Variants in DCAF8L2 observed in about 807,000 individuals in gnomAD.
DCAF8L2 encodes the protein DDB1 and CUL4 associated factor 8 like 2, also known as DDB1- and CUL4-associated factor 8-like protein 2.
For missense variants in DCAF8L2, 430 were observed against 490.7 expected, an observed-to-expected ratio of 0.88 and a Z score of 1.17; for synonymous variants, 200 against 190.9, an observed-to-expected ratio of 1.05 and a Z score of -0.39.
chrX:27,495,710 T>C, the DCAF8L2 span, among the ~76,000 whole-genome samples: 7 of 112,027 alleles, frequency 6.2e-5, no homozygotes, highest in South Asian at 3.7e-4. Flanking sequence ...TTTTTTTGTA[T>C]GTATTATTAG....
the DCAF8L2 span, among the ~76,000 whole-genome samples, chrX:27,539,920 A>G: frequency 9.0e-6 from 1 of 110,806 alleles, no homozygotes; most frequent in Non-Finnish European, 1.9e-5. Flanking sequence ...TTAGGCTATC[A>G]GAAATGTTAA....
chrX:27,563,542 C>G, the DCAF8L2 span, among the ~76,000 whole-genome samples: 1 of 112,080 alleles, frequency 8.9e-6, no homozygotes, highest in African/African-American at 3.2e-5. Context: ...CCAAATATGT[C>G]AAATGCACTG....
At chrX:27,576,869 C>CGTT in the DCAF8L2 span, among the ~76,000 whole-genome samples, 1 of 111,815 alleles carries the variant, frequency 8.9e-6, no homozygotes, top group Admixed American at 9.5e-5. Flanking sequence ...TGAACTCAAA[C>CGTT]TATCTATTAT....
the DCAF8L2 span, among the ~76,000 whole-genome samples, chrX:27,549,207 GAAAT>G: frequency 1.8e-5 from 2 of 111,523 alleles, no homozygotes; most frequent in Non-Finnish European, 3.8e-5. Context: ...TTTTAATTAT[GAAAT>G]AAATCACTCT....
chrX:27,542,942 C>A, the DCAF8L2 span, among the ~76,000 whole-genome samples: 20 of 111,620 alleles, frequency 1.8e-4, no homozygotes, highest in Admixed American at 1.9e-3. Context: ...TGTCTTCTGT[C>A]TACTCTGCTG....
At chrX:27,599,155 G>A (rs912372273) in intron 1 of DCAF8L2, among the ~76,000 whole-genome samples, 2 of 110,377 alleles carry the variant, frequency 1.8e-5, no homozygotes, top group African/African-American at 6.6e-5. Flanking sequence ...AAAAAATGTG[G>A]TATATATACA....
At chrX:27,491,214 C>G in the DCAF8L2 span, among the ~76,000 whole-genome samples, 1 of 112,240 alleles carries the variant, frequency 8.9e-6, no homozygotes, top group East Asian at 2.8e-4. Flanking sequence ...AAATCATTTA[C>G]TCGGTGATTT....
chrX:27,587,462 T>C (rs1177024243), upstream of DCAF8L2, among the ~76,000 whole-genome samples: 1 of 111,926 alleles, frequency 8.9e-6, no homozygotes, highest in East Asian at 2.8e-4. Context: ...TTAAATATTT[T>C]GTATCTCTTG....
the DCAF8L2 span, among the ~76,000 whole-genome samples, chrX:27,471,500 A>G: frequency 9.0e-6 from 1 of 111,017 alleles, no homozygotes; most frequent in Non-Finnish European, 1.9e-5. Flanking sequence ...TCCTTCGTGC[A>G]TATCTTTTTC....
the DCAF8L2 span, among the ~76,000 whole-genome samples, chrX:27,532,317 G>A: frequency 9.0e-6 from 1 of 111,659 alleles, no homozygotes; most frequent in South Asian, 3.7e-4. Flanking sequence ...TAAATGCTCA[G>A]AGAATTGAAA....
At chrX:27,559,055 C>T in the DCAF8L2 span, among the ~76,000 whole-genome samples, 6 of 110,666 alleles carry the variant, frequency 5.4e-5, no homozygotes, top group African/African-American at 9.9e-5. Context: ...CCATGTAGGA[C>T]GTGCCAGATT....
the DCAF8L2 span, among the ~76,000 whole-genome samples, chrX:27,512,342 ATAT>A: frequency 9.0e-6 from 1 of 110,926 alleles, no homozygotes; most frequent in African/African-American, 3.3e-5. Context: ...GGAAGAATTA[ATAT>A]TATTAACATG....
At chrX:27,700,030 A>G (rs1383523473) in intron 3 of DCAF8L2, among the ~76,000 whole-genome samples, 1 of 110,435 alleles carries the variant, frequency 9.1e-6, no homozygotes, top group Non-Finnish European at 1.9e-5. Context: ...CTGTCCAAAA[A>G]AGAAAAGAAA....
the DCAF8L2 span, among the ~76,000 whole-genome samples, chrX:27,468,978 T>C: frequency 8.9e-6 from 1 of 111,907 alleles, no homozygotes; most frequent in African/African-American, 3.3e-5. Flanking sequence ...GTCCTGGTTA[T>C]TGTCTTCCCA....
the DCAF8L2 span, among the ~76,000 whole-genome samples, chrX:27,501,579 A>C: frequency 2.7e-5 from 3 of 111,412 alleles, no homozygotes; most frequent in Non-Finnish European, 5.6e-5. Flanking sequence ...TAGAGAAATA[A>C]GCCCAAAATG....
chrX:27,584,144 T>A, the DCAF8L2 span, among the ~76,000 whole-genome samples: 58 of 111,900 alleles, frequency 5.2e-4, no homozygotes, highest in African/African-American at 1.7e-3. Flanking sequence ...ATTCTTCATG[T>A]ATTCGCATCA....
chrX:27,553,454 A>G, the DCAF8L2 span, among the ~76,000 whole-genome samples: 33 of 110,447 alleles, frequency 3.0e-4, no homozygotes, highest in Non-Finnish European at 5.9e-4. Flanking sequence ...ATATGTGTTT[A>G]TAATTGCTAT....
At chrX:27,474,527 G>A in the DCAF8L2 span, among the ~76,000 whole-genome samples, 5 of 111,153 alleles carry the variant, frequency 4.5e-5, no homozygotes, top group Non-Finnish European at 7.5e-5. Flanking sequence ...ACTATGTCTT[G>A]GCCTCAATTT....
At chrX:27,547,724 G>C in the DCAF8L2 span, among the ~76,000 whole-genome samples, 17 of 111,217 alleles carry the variant, frequency 1.5e-4, no homozygotes, top group African/African-American at 5.2e-4. Context: ...CTCTTGACAT[G>C]TGGGGATTAC....
Sources: gnomAD v4.1 joint callset for allele counts (sites outside exome capture counted in the v4.1 genomes callset) on GRCh38, gnomAD v4.1.1 for gene constraint, MANE v1.5 for transcripts, NCBI Gene and HGNC (gene_info 2026-07-23, HGNC 2026-07-21) for gene names.